Variants in SLC44A5 observed in about 807,000 individuals in gnomAD.
The protein encoded by SLC44A5 is solute carrier family 44 member 5.
Under a neutral mutation model 101.8 loss-of-function variants are expected in SLC44A5, and 57 were observed. The observed-to-expected ratio is 0.56, with a 90% CI of 0.45 to 0.70. The LOEUF (loss-of-function observed/expected upper bound fraction) is 0.70. SLC44A5 is among the 30% of genes least tolerant of loss of function. The probability of loss-of-function intolerance (pLI) is 0.00; values close to 1 mark genes in which losing one functional copy is unlikely to be tolerated. For synonymous variants in SLC44A5, 281 were observed against 290.9 expected (o/e 0.97, Z 0.35); for missense variants, 737 against 853.1 (o/e 0.86, Z 1.70).
intron 1 of SLC44A5, among the ~76,000 whole-genome samples, chr1:75,581,781 T>G (rs1322264976): frequency 6.6e-6 from 1 of 152,124 alleles, no homozygotes; most frequent in African/African-American, 2.4e-5. Context: ...TTGAGAACTG[T>G]TTTTAAAAGA....
chr1:75,285,935 A>G (rs111741297), intron 5 of SLC44A5, among the ~76,000 whole-genome samples: 8,844 of 152,114 alleles, frequency 0.058, 300 homozygotes, highest in Middle Eastern at 0.13. Flanking sequence ...GGAATAGAAC[A>G]TATATTCTGC....
intron 2 of SLC44A5, among the ~76,000 whole-genome samples, chr1:75,452,928 C>T (rs1297801884): frequency 1.3e-5 from 2 of 152,152 alleles, no homozygotes; most frequent in Non-Finnish European, 2.9e-5. Flanking sequence ...CTTAAACAGC[C>T]ACATAATAGT....
At chr1:75,512,872 C>T (rs1267581382) in intron 2 of SLC44A5, among the ~76,000 whole-genome samples, 1 of 152,172 alleles carries the variant, frequency 6.6e-6, no homozygotes, top group Non-Finnish European at 1.5e-5. Context: ...ATGAGTTTCA[C>T]TTTGTTGTGT....
At chr1:75,688,986 C>T in the SLC44A5 span, among the ~76,000 whole-genome samples, 5 of 152,130 alleles carry the variant, frequency 3.3e-5, no homozygotes, top group Non-Finnish European at 7.3e-5. Flanking sequence ...CTGAGAGACA[C>T]CAATTGGTTT....
At chr1:75,573,171 G>T (rs1179635554) in intron 1 of SLC44A5, among the ~76,000 whole-genome samples, 1 of 120,336 alleles carries the variant, frequency 8.3e-6, no homozygotes, top group Admixed American at 8.2e-5. Context: ...AGTATATAAA[G>T]GTACTAAAGC....
chr1:75,534,008 G>C (rs1034979647), intron 2 of SLC44A5, among the ~76,000 whole-genome samples: 1 of 152,126 alleles, frequency 6.6e-6, no homozygotes, highest in South Asian at 2.1e-4. Flanking sequence ...CAAGTTCAGG[G>C]ATGGAAAATA....
the SLC44A5 span, among the ~76,000 whole-genome samples, chr1:75,665,875 C>T: frequency 8.7e-4 from 133 of 152,200 alleles, no homozygotes; most frequent in African/African-American, 3.1e-3. Context: ...AAATGCTCAA[C>T]ATCGCTAATG....
At chr1:75,345,629 TAGA>T (rs1658196174) in intron 3 of SLC44A5, among the ~76,000 whole-genome samples, 2 of 152,146 alleles carry the variant, frequency 1.3e-5, no homozygotes, top group Admixed American at 6.6e-5. Context: ...GAATAACTTT[TAGA>T]AGGAGAGAAA....
At chr1:75,434,034 C>T (rs918792526) in intron 2 of SLC44A5, among the ~76,000 whole-genome samples, 3 of 152,012 alleles carry the variant, frequency 2.0e-5, no homozygotes, top group Admixed American at 1.3e-4. Flanking sequence ...GGGCCCCTCC[C>T]GCAACACATG....
intron 4 of SLC44A5, among the ~76,000 whole-genome samples, chr1:75,327,004 C>T (rs1200681095): frequency 6.6e-6 from 1 of 151,878 alleles, no homozygotes; most frequent in Non-Finnish European, 1.5e-5. Flanking sequence ...ACATGTAAAT[C>T]AACTATGGTA....
chr1:75,339,520 C>A, intron 4 of SLC44A5, 62 bp downstream of exon 4: 1 of 1,348,466 alleles, frequency 7.4e-7, no homozygotes, highest in Non-Finnish European at 1.0e-6. Context: ...GTACCTCCCC[C>A]ATCCCCCAAA....
At chr1:75,457,684 C>T (rs1234216688) in intron 2 of SLC44A5, among the ~76,000 whole-genome samples, 2 of 152,016 alleles carry the variant, frequency 1.3e-5, no homozygotes, top group Non-Finnish European at 2.9e-5. Flanking sequence ...ATGATGAAAC[C>T]CCATGTCTAC....
chr1:75,369,512 G>A (rs898590045), intron 3 of SLC44A5, among the ~76,000 whole-genome samples: 2 of 152,010 alleles, frequency 1.3e-5, no homozygotes, highest in African/African-American at 4.8e-5. Context: ...TGATAGCCGT[G>A]ATTCATGAGA....
At chr1:75,211,084 A>G (rs114758228) in intron 23 of SLC44A5, among the ~76,000 whole-genome samples, 4,553 of 152,276 alleles carry the variant, frequency 0.03, 226 homozygotes, top group African/African-American at 0.1. Context: ...ATTATTAACT[A>G]TAGTCACCAT....
At chr1:75,455,119 CTA>C (rs1666114647) in intron 2 of SLC44A5, among the ~76,000 whole-genome samples, 1 of 152,044 alleles carries the variant, frequency 6.6e-6, no homozygotes. Context: ...AAACTTCAAA[CTA>C]TATTATAAGG....
the SLC44A5 span, among the ~76,000 whole-genome samples, chr1:75,702,778 T>C: frequency 2.0e-5 from 3 of 151,824 alleles, no homozygotes; most frequent in Non-Finnish European, 4.4e-5. Flanking sequence ...AGGGCTAATA[T>C]CCAGAATCTA....
At chr1:75,258,591 G>A (rs1177767722) in intron 6 of SLC44A5, among the ~76,000 whole-genome samples, 1 of 152,132 alleles carries the variant, frequency 6.6e-6, no homozygotes, top group Admixed American at 6.5e-5. Flanking sequence ...GGGGCGGTCG[G>A]GGGTCCAGCT....
chr1:75,398,244 G>T, intron 2 of SLC44A5: 1 of 231,692 alleles, frequency 4.3e-6, no homozygotes, highest in Non-Finnish European at 7.1e-6. Context: ...TTTGTATCAT[G>T]CACTTCTAAT....
intron 3 of SLC44A5, among the ~76,000 whole-genome samples, chr1:75,391,379 A>T (rs780525578): frequency 1.3e-5 from 2 of 152,220 alleles, no homozygotes; most frequent in Non-Finnish European, 2.9e-5. Flanking sequence ...AAACCAAAAA[A>T]GAGCCCAAAT....
Sources: allele counts gnomAD v4.1 joint callset (sites outside exome capture counted in the v4.1 genomes callset), GRCh38; gene constraint gnomAD v4.1.1; transcripts MANE v1.5; gene names NCBI Gene and HGNC (gene_info 2026-07-23, HGNC 2026-07-21).